TNFAIP8: variants seen among roughly 807,000 people sequenced by gnomAD.
TNFAIP8 encodes the protein tumor necrosis factor alpha-induced protein 8.
TNFAIP8 carries 7 observed loss-of-function variants against 13.3 expected under a neutral mutation model. That is an observed-to-expected ratio of 0.52 (90% CI 0.30 to 0.99). The LOEUF is 0.99. Among genes scored for constraint, TNFAIP8 ranks in the 50% least tolerant of loss-of-function variants. The probability of loss-of-function intolerance (pLI) is 0.07; values close to 1 mark genes in which losing one functional copy is unlikely to be tolerated. For synonymous variants in TNFAIP8, 94 were observed against 87.6 expected (o/e 1.07, Z -0.41); for missense variants, 258 against 236.9 (o/e 1.09, Z -0.58).
chr5:119,272,180 A>G (rs995901898), intron 1 of TNFAIP8, among the ~76,000 whole-genome samples: 1 of 152,202 alleles, frequency 6.6e-6, no homozygotes, highest in Non-Finnish European at 1.5e-5. Flanking sequence ...GCCAAGGGGT[A>G]TCTTGGAAAC....
At chr5:119,339,342 G>T (rs1022381519) in intron 1 of TNFAIP8, among the ~76,000 whole-genome samples, 6 of 152,160 alleles carry the variant, frequency 3.9e-5, no homozygotes, top group African/African-American at 1.2e-4. Context: ...GTGGCAAGGG[G>T]GTATGGGATT....
upstream of TNFAIP8, chr5:119,355,637 T>A: frequency 2.2e-6 from 1 of 457,550 alleles, no homozygotes; most frequent in South Asian, 4.3e-5. Context: ...CCTATATGCA[T>A]TTGCTATTTA....
At chr5:119,293,677 A>G (rs765376365) in intron 1 of TNFAIP8, among the ~76,000 whole-genome samples, 2 of 152,242 alleles carry the variant, frequency 1.3e-5, no homozygotes, top group African/African-American at 2.4e-5. Flanking sequence ...GTACACTTAC[A>G]ATGATAAATT....
chr5:119,310,803 G>T (rs990680527), intron 1 of TNFAIP8, among the ~76,000 whole-genome samples: 4 of 152,050 alleles, frequency 2.6e-5, no homozygotes, highest in Non-Finnish European at 4.4e-5. Context: ...CTCCAGCTTG[G>T]GTGACAGATC....
At chr5:119,327,566 C>T (rs1341956035) in intron 1 of TNFAIP8, among the ~76,000 whole-genome samples, 1 of 152,140 alleles carries the variant, frequency 6.6e-6, no homozygotes, top group Non-Finnish European at 1.5e-5. Flanking sequence ...TCAAGCGATT[C>T]TCCTGCCTTA....
At position 119,393,643 on chromosome 5, in the gene TNFAIP8, T is replaced by C. The variant is rs868136648; in HGVS notation, c.*262T>C. 8 of 413,184 alleles carry C rather than the reference T, an allele frequency of 1.9e-5. No homozygotes were observed. The highest frequency in any genetic ancestry group is 3.1e-5 in the Non-Finnish European group (7 of 226,898). The allele number at this position is 413,184 out of a possible 1,614,324, so 25.6% of individuals were successfully genotyped here. On this transcript the variant is annotated 3_prime_UTR_variant, in exon 2 of 2. Transcript: ENST00000504771. ...TGGTTGGGTAATGCAAATGTAGTTA[T>C]ACAAAGAAAAATACAGATGTCTCCA...
At chr5:119,356,331 G>GGAGGA (rs1482617379) in intron 1 of TNFAIP8, among the ~76,000 whole-genome samples, 3 of 152,174 alleles carry the variant, frequency 2.0e-5, no homozygotes, top group Non-Finnish European at 1.5e-5. Flanking sequence ...AGAGGGGAGG[G>GGAGGA]GAGGAAAAGT....
chr5:119,374,192 AT>A lies in TNFAIP8; in HGVS notation c.31+18081del, dbSNP rs35356644. On this transcript the variant is annotated intron_variant, in intron 1 of 1. Transcript: ENST00000504771. ...GGGACTGAAGTGTTTTAGATTTTGG[AT>A]TTTTTTTTTCAGATTTTTGGAATAT... Among the ~76,000 whole-genome samples, 167 of 149,498 alleles carry A rather than the reference AT, an allele frequency of 1.1e-3. 1 individual carries two copies. Among genetic ancestry groups the A allele is most frequent in the African/African-American group, 3.6e-3 (145 of 40,676 alleles).
intron 1 of TNFAIP8, among the ~76,000 whole-genome samples, chr5:119,346,712 T>C (rs1298472102): frequency 6.6e-6 from 1 of 152,218 alleles, no homozygotes; most frequent in African/African-American, 2.4e-5. Context: ...GTGAATTCGC[T>C]TGAAATAGTC....
rs181018776 is a variant in TNFAIP8, at chr5:119,395,882, G to A, written c.*2501G>A. ...TTTTTATAAAATAGTATCTGTTCAC[G>A]TTTTGAAAAAAATTGTGTTGTAATT... On this transcript the variant is annotated 3_prime_UTR_variant, in exon 2 of 2. Transcript: ENST00000504771. The A allele has an allele frequency of 7.9e-5, 12 of 152,216 alleles. No homozygotes were observed. The highest frequency in any genetic ancestry group is 5.8e-4 in the East Asian group (3 of 5,186). 9.4% of individuals were successfully genotyped at this position (152,216 alleles called of 1,614,324 possible). A position where few individuals can be genotyped will look rare whatever the true frequency, so the allele number is the denominator to read the frequency against.
At chr5:119,300,333 T>G (rs1749346655) in intron 1 of TNFAIP8, among the ~76,000 whole-genome samples, 1 of 152,212 alleles carries the variant, frequency 6.6e-6, no homozygotes, top group Non-Finnish European at 1.5e-5. Context: ...TAAATTTGGT[T>G]CAGCGTATTC....
intron 1 of TNFAIP8, among the ~76,000 whole-genome samples, chr5:119,344,824 A>G (rs911707076): frequency 1.3e-5 from 2 of 152,238 alleles, no homozygotes; most frequent in Non-Finnish European, 2.9e-5. Flanking sequence ...CCAGTGCCTA[A>G]GTGAGAAAAA....
At position 119,392,800 on chromosome 5, in the gene TNFAIP8, C is replaced by G; in HGVS notation, c.32-16C>G. ...TACTAATTGTTAATTCTTTTCCTCT[C>G]TTTTTTTTTTTTTAGTGGCCACAGA... On this transcript the variant is annotated splice_polypyrimidine_tract_variant and intron_variant, in intron 1 of 1. Coordinates refer to ENST00000504771, the MANE Select transcript of TNFAIP8 (RefSeq NM_014350.4). 1 of 1,399,676 alleles carries G rather than the reference C, an allele frequency of 7.1e-7. No individual in the cohort carries two copies. The highest frequency in any genetic ancestry group is 9.5e-7 in the Non-Finnish European group (1 of 1,050,652). 86.7% of individuals were successfully genotyped at this position (1,399,676 alleles called of 1,614,324 possible). A position where few individuals can be genotyped will look rare whatever the true frequency, so the allele number is the denominator to read the frequency against.
At chr5:119,313,070 A>G (rs1749782927) in intron 1 of TNFAIP8, among the ~76,000 whole-genome samples, 1 of 152,202 alleles carries the variant, frequency 6.6e-6, no homozygotes, top group African/African-American at 2.4e-5. Flanking sequence ...CTCAATGAAG[A>G]TGGGGAAGAA....
chr5:119,341,731 G>A (rs1168017434), intron 1 of TNFAIP8, among the ~76,000 whole-genome samples: 2 of 152,096 alleles, frequency 1.3e-5, no homozygotes, highest in African/African-American at 2.4e-5. Flanking sequence ...GGCCTTTAGG[G>A]GCTGAATCTG....
At chr5:119,392,596 C>A (rs1752933624) in intron 1 of TNFAIP8, among the ~76,000 whole-genome samples, 1 of 152,134 alleles carries the variant, frequency 6.6e-6, no homozygotes, top group South Asian at 2.1e-4. Flanking sequence ...AAGTGGTCTG[C>A]CCACCTCAGT....
At chr5:119,351,792 T>C (rs563464677), upstream of TNFAIP8, among the ~76,000 whole-genome samples, 1,842 of 146,264 alleles carry the variant, frequency 0.013, 46 homozygotes, top group African/African-American at 0.046. Context: ...CTTTTTCTTT[T>C]TTTCTTTTTT....
At chr5:119,275,459 G>A (rs892398675) in intron 1 of TNFAIP8, among the ~76,000 whole-genome samples, 2 of 152,288 alleles carry the variant, frequency 1.3e-5, no homozygotes, top group Middle Eastern at 3.4e-3. Flanking sequence ...ATGTTTGGAA[G>A]AGCACGGGCC....
intron 1 of TNFAIP8, among the ~76,000 whole-genome samples, chr5:119,312,767 A>G (rs1157669995): frequency 2.0e-5 from 3 of 150,492 alleles, no homozygotes; most frequent in African/African-American, 7.4e-5. Context: ...AAAAAAAAAA[A>G]GAATATGAAG....
Sources: allele counts gnomAD v4.1 joint callset (sites outside exome capture counted in the v4.1 genomes callset), GRCh38; gene constraint gnomAD v4.1.1; transcripts MANE v1.5; gene names NCBI Gene and HGNC (gene_info 2026-07-23, HGNC 2026-07-21).